CACNA1S: variants seen among roughly 807,000 people sequenced by gnomAD.
CACNA1S encodes calcium voltage-gated channel subunit alpha1 S.
Under a neutral mutation model 207.4 loss-of-function variants are expected in CACNA1S, and 126 were observed. The ratio of observed to expected loss-of-function variants is 0.61; its 90% CI spans 0.53 to 0.70. The LOEUF (loss-of-function observed/expected upper bound fraction) is 0.70. Among genes scored for constraint, CACNA1S ranks in the 30% least tolerant of loss-of-function variants. The pLI, the probability that CACNA1S is intolerant of heterozygous loss-of-function variation, is 0.00. For missense variants in CACNA1S, 2,349 were observed against 2,422.8 expected, an observed-to-expected ratio of 0.97 and a Z score of 0.64; for synonymous variants, 960 against 932.7, an observed-to-expected ratio of 1.03 and a Z score of -0.53.
intron 7 of CACNA1S, among the ~76,000 whole-genome samples, chr1:201,086,311 T>A (rs1370842674): frequency 6.6e-6 from 1 of 152,226 alleles, no homozygotes; most frequent in Non-Finnish European, 1.5e-5. Flanking sequence ...CTCTTCAGAA[T>A]AATGTGAAAT....
rs549897928 is a variant in CACNA1S, at chr1:201,062,713, A to G, written c.2854-199T>C. Among the ~76,000 whole-genome samples the G allele has an allele frequency of 3.0e-3, 464 of 152,224 alleles. 2 individuals are homozygous for G. The highest frequency in any genetic ancestry group is 4.2e-3 in the Non-Finnish European group (287 of 67,998). On this transcript the variant is annotated intron_variant, in intron 22 of 43. Coordinates refer to ENST00000362061, the MANE Select transcript of CACNA1S (RefSeq NM_000069.3). ...CCCAGAGCAGCCTCCTTTCTTCACC[A>G]TCGTTCATTCCCACAGCTCCCCCAG...
chr1:201,047,392 G>T, intron 37 of CACNA1S, 133 bp downstream of exon 37: 1 of 1,250,278 alleles, frequency 8.0e-7, no homozygotes, highest in Non-Finnish European at 1.2e-6. Context: ...GAGGTTGGAT[G>T]CCCGTGGGAT....
intron 16 of CACNA1S, among the ~76,000 whole-genome samples, chr1:201,070,803 C>T (rs1000259582): frequency 6.6e-6 from 1 of 152,152 alleles, no homozygotes; most frequent in Non-Finnish European, 1.5e-5. Context: ...CTGTGCAGTG[C>T]TGGGAAGGTC....
In CACNA1S at chr1:201,065,520, A is replaced by T. The variant is rs3820421; in HGVS notation, c.2853+318T>A. Among the ~76,000 whole-genome samples the T allele has an allele frequency of 0.059, 8,931 of 152,246 alleles. 641 individuals are homozygous for T. Among genetic ancestry groups the T allele is most frequent in the East Asian group, 0.36 (1,886 of 5,170 alleles). ...AAGAGATGGGGCTTGAATTGTATTT[A>T]AATTTCAACTCAGTAGACACATGAC... On this transcript the variant is annotated intron_variant, in intron 22 of 43. Coordinates refer to ENST00000362061, the MANE Select transcript of CACNA1S (RefSeq NM_000069.3).
At chr1:201,056,070 G>GACACACAC (rs58170287) in intron 28 of CACNA1S, among the ~76,000 whole-genome samples, 7,951 of 94,788 alleles carry the variant, frequency 0.084, 648 homozygotes, top group African/African-American at 0.21. Context: ...CAGACAGACA[G>GACACACAC]ACACACACAC....
At position 201,091,781 on chromosome 1, in the gene CACNA1S, C is replaced by A. The variant is rs762004711; in HGVS notation, c.553G>T (p.Val185Phe). 6.2e-7 allele frequency: 1 copy of A among 1,613,828 alleles called. No homozygotes were observed. Among genetic ancestry groups the A allele is most frequent in the Admixed American group, 1.7e-5 (1 of 59,960 alleles). ...LVSGVPSLQVVLNSIFKAMLP... is the reference protein window; with the variant it reads ...LVSGVPSLQVFLNSIFKAMLP... Reference sequence around the variant, plus strand: ...ATGGCCTTGAAGATGGAGTTCAGGACCACCTGCAGGCCTGCAGAGGCAGGC... The same window carrying A: ...ATGGCCTTGAAGATGGAGTTCAGGAACACCTGCAGGCCTGCAGAGGCAGGC... The change falls in exon 5 of 44, where the codon GTC becomes TTC. Residue 185 changes from valine (V) to phenylalanine (F), a missense_variant. Coordinates refer to ENST00000362061, the MANE Select transcript of CACNA1S (RefSeq NM_000069.3).
chr1:201,062,146 C>T, intron 23 of CACNA1S, 56 bp from the exon 24 acceptor site: 1 of 1,589,806 alleles, frequency 6.3e-7, no homozygotes. Context: ...CCTTGCCCCA[C>T]CCACATCCTC....
intron 5 of CACNA1S, 96 bp downstream of exon 5, chr1:201,091,544 T>A: frequency 7.2e-7 from 1 of 1,386,566 alleles, no homozygotes; most frequent in Non-Finnish European, 1.0e-6. Flanking sequence ...TGGGCGGCAA[T>A]GGCTGAGCTC....
chr1:201,110,581 C>T (rs1253959785), intron 1 of CACNA1S, among the ~76,000 whole-genome samples: 1 of 152,228 alleles, frequency 6.6e-6, no homozygotes, highest in Non-Finnish European at 1.5e-5. Flanking sequence ...CACACCGCTC[C>T]ACTCTCAGCG....
intron 2 of CACNA1S, among the ~76,000 whole-genome samples, chr1:201,098,035 C>G (rs939852848): frequency 1.3e-5 from 2 of 152,192 alleles, no homozygotes; most frequent in African/African-American, 4.8e-5. Flanking sequence ...TGTCTATCTT[C>G]TTAGCCTGAT....
intron 3 of CACNA1S, among the ~76,000 whole-genome samples, chr1:201,093,420 G>A (rs899271435): frequency 6.6e-6 from 1 of 152,190 alleles, no homozygotes; most frequent in African/African-American, 2.4e-5. Context: ...TGTTGTTTCA[G>A]CTTCCCAATC....
At chr1:201,089,702 C>G (rs1191007621) in intron 5 of CACNA1S, among the ~76,000 whole-genome samples, 1 of 152,170 alleles carries the variant, frequency 6.6e-6, no homozygotes, top group Non-Finnish European at 1.5e-5. Flanking sequence ...ATGGCAGGGT[C>G]GGCTTCTAGG....
chr1:201,043,186 C>T, intron 40 of CACNA1S, 95 bp downstream of exon 40: 1 of 1,543,118 alleles, frequency 6.5e-7, no homozygotes, highest in Non-Finnish European at 8.9e-7. Context: ...AGACACCCTA[C>T]AAATTTGGGG....
rs140140749 is a variant in CACNA1S at position 201,059,582 on chromosome 1, A to G, written c.3415-283T>C. On this transcript the variant is annotated intron_variant, in intron 26 of 43. Transcript: ENST00000362061. ...CTGCTGAGTGCGTTCATTTACATGCAGGGCTGCAAGGCCAAAGCTCATTTA... is the reference window on the plus strand; with the variant it reads ...CTGCTGAGTGCGTTCATTTACATGCGGGGCTGCAAGGCCAAAGCTCATTTA... Among the ~76,000 whole-genome samples the G allele has an allele frequency of 7.2e-3, 1,094 of 152,370 alleles. 11 individuals are homozygous for G. The highest frequency in any genetic ancestry group is 0.02 in the Middle Eastern group (6 of 294).
intron 9 of CACNA1S, among the ~76,000 whole-genome samples, chr1:201,084,575 T>C (rs990241804): frequency 6.6e-6 from 1 of 152,232 alleles, no homozygotes; most frequent in Non-Finnish European, 1.5e-5. Flanking sequence ...TCCCGGTTTG[T>C]GCAGCCTCTG....
chr1:201,058,153 G>A (rs529299828), intron 28 of CACNA1S, among the ~76,000 whole-genome samples: 1 of 152,178 alleles, frequency 6.6e-6, no homozygotes, highest in Non-Finnish European at 1.5e-5. Context: ...ACCCAGAGAC[G>A]ACTTTCCTTT....
At chr1:201,105,514 A>G (rs1442645098) in intron 2 of CACNA1S, among the ~76,000 whole-genome samples, 1 of 152,146 alleles carries the variant, frequency 6.6e-6, no homozygotes, top group Non-Finnish European at 1.5e-5. Context: ...TAGCTCCAGA[A>G]CCCATTTTTA....
chr1:201,085,712 C>T, intron 7 of CACNA1S, 131 bp from the exon 8 acceptor site: 1 of 1,044,662 alleles, frequency 9.6e-7, no homozygotes. Flanking sequence ...GGGGTGTTGC[C>T]TGGGGTCCAG....
intron 38 of CACNA1S, 38 bp from the exon 39 acceptor site, chr1:201,044,494 C>T (rs1242071044): frequency 1.9e-6 from 3 of 1,606,712 alleles, no homozygotes; most frequent in Non-Finnish European, 2.5e-6. Context: ...CTCTCCAGCC[C>T]AGGAGAGGAG....
Sources: allele counts gnomAD v4.1 joint callset (sites outside exome capture counted in the v4.1 genomes callset), GRCh38; gene constraint gnomAD v4.1.1; transcripts MANE v1.5; gene names NCBI Gene and HGNC (gene_info 2026-07-23, HGNC 2026-07-21).